STOX2: variants seen among roughly 807,000 people sequenced by gnomAD.
The protein encoded by STOX2 is storkhead-box protein 2.
STOX2 carries 28 observed loss-of-function variants against 60.9 expected under a neutral mutation model. The observed-to-expected ratio is 0.46, with a 90% confidence interval of 0.34 to 0.63. The LOEUF (loss-of-function observed/expected upper bound fraction) is 0.63. Ranked by LOEUF, STOX2 falls within the 30% of genes least tolerant of loss-of-function variation. The pLI, the probability that STOX2 is intolerant of heterozygous loss-of-function variation, is 0.01. For missense variants in STOX2, 1,024 were observed against 1,187.7 expected, an observed-to-expected ratio of 0.86 and a Z score of 2.03; for synonymous variants, 472 against 463.9, an observed-to-expected ratio of 1.02 and a Z score of -0.22.
intron 1 of STOX2, among the ~76,000 whole-genome samples, chr4:183,807,776 A>G (rs1738940072): frequency 6.6e-6 from 1 of 152,172 alleles, no homozygotes; most frequent in Admixed American, 6.5e-5. Flanking sequence ...AGATGGGAGC[A>G]TGGGAGACGG....
At chr4:183,849,675 C>T (rs1160334674) in intron 1 of STOX2, among the ~76,000 whole-genome samples, 1 of 152,098 alleles carries the variant, frequency 6.6e-6, no homozygotes, top group Non-Finnish European at 1.5e-5. Context: ...GAGATCTCTA[C>T]CAAGATCTCT....
At chr4:183,930,607 C>T (rs1281318938) in intron 1 of STOX2, among the ~76,000 whole-genome samples, 1 of 152,134 alleles carries the variant, frequency 6.6e-6, no homozygotes, top group Admixed American at 6.5e-5. Context: ...ATCCTCCTGC[C>T]TCAGCCTCCC....
intron 1 of STOX2, among the ~76,000 whole-genome samples, chr4:183,995,235 T>A (rs1733278012): frequency 1.3e-5 from 2 of 149,390 alleles, no homozygotes; most frequent in Admixed American, 6.7e-5. Flanking sequence ...GGAACCTCAA[T>A]TAATGACTGC....
In STOX2 at chr4:184,022,485, G is replaced by A. The variant is rs1734627580; in HGVS notation, c.*5201G>A. On this transcript the variant is annotated 3_prime_UTR_variant, in exon 4 of 4. Transcript: ENST00000308497. ...ACTAAACTTTCTTACGATTGTACATGATCAGTTATAGGGCTGTAATCATTA... is the reference window on the plus strand; with the variant it reads ...ACTAAACTTTCTTACGATTGTACATAATCAGTTATAGGGCTGTAATCATTA... The A allele has an allele frequency of 6.6e-6, 1 of 152,110 alleles. No homozygotes were observed. Among genetic ancestry groups the A allele is most frequent in the African/African-American group, 2.4e-5 (1 of 41,410 alleles). The allele number at this position is 152,110 out of a possible 1,614,324, so 9.4% of individuals were successfully genotyped here.
At chr4:183,956,431 CT>C (rs56699804) in intron 1 of STOX2, among the ~76,000 whole-genome samples, 5 of 141,266 alleles carry the variant, frequency 3.5e-5, no homozygotes, top group South Asian at 2.3e-4. Flanking sequence ...ATCTATCATT[CT>C]ATCATTCATC....
rs78236347 is a variant in STOX2, at chr4:183,857,413, C to T, written c.364+59358C>T. Among the ~76,000 whole-genome samples, 110 of 13,170 alleles carry T rather than the reference C, an allele frequency of 8.4e-3. 1 individual carries two copies. Among genetic ancestry groups the T allele is most frequent in the African/African-American group, 0.026 (106 of 4,106 alleles). The allele number at this position is 13,170 out of a possible 152,430, so 8.6% of individuals were successfully genotyped here. A position where few individuals can be genotyped will look rare whatever the true frequency, so the allele number is the denominator to read the frequency against. On this transcript the variant is annotated intron_variant, in intron 1 of 2. Coordinates refer to the STOX2 transcript ENST00000513034. ...GGACTGGTTGCCTCATAGGATTGGT[C>T]ATCCCACAGGACTGGTCATCCTGCA...
At chr4:183,873,876 T>C (rs1334053090) in intron 1 of STOX2, among the ~76,000 whole-genome samples, 3 of 152,206 alleles carry the variant, frequency 2.0e-5, no homozygotes, top group African/African-American at 7.2e-5. Flanking sequence ...TCCCCAGGAT[T>C]GTAACTCCAG....
chr4:183,871,631 T>C (rs1039079903), intron 1 of STOX2, among the ~76,000 whole-genome samples: 1 of 152,196 alleles, frequency 6.6e-6, no homozygotes, highest in Non-Finnish European at 1.5e-5. Context: ...ATCTGATATT[T>C]TTTAAGGGAG....
At chr4:184,006,643 T>C (rs1241764186) in intron 2 of STOX2, among the ~76,000 whole-genome samples, 21 of 142,720 alleles carry the variant, frequency 1.5e-4, no homozygotes, top group Non-Finnish European at 3.0e-4. Context: ...AGCTGAGATC[T>C]TGTCACTGCA....
chr4:183,975,157 T>C (rs1228056249), intron 1 of STOX2, among the ~76,000 whole-genome samples: 4 of 152,136 alleles, frequency 2.6e-5, no homozygotes, highest in East Asian at 3.9e-4. Context: ...GAAAATGCAA[T>C]ATATCATAAT....
At chr4:183,873,786 A>G (rs1174178461) in intron 1 of STOX2, among the ~76,000 whole-genome samples, 2 of 152,252 alleles carry the variant, frequency 1.3e-5, no homozygotes, top group African/African-American at 4.8e-5. Context: ...AAAATTGCCC[A>G]GGGAAGCTCC....
intron 1 of STOX2, among the ~76,000 whole-genome samples, chr4:183,908,592 G>GTTTTTTTT (rs10671305): frequency 2.4e-5 from 3 of 126,710 alleles, no homozygotes; most frequent in South Asian, 2.5e-4. Flanking sequence ...CAGGCAGCCA[G>GTTTTTTTT]TTTTTTTTTT....
At position 184,011,724 on chromosome 4, in the gene STOX2, C is replaced by T. The variant is rs1247222803; in HGVS notation, c.2585+301C>T. 3.1e-6 allele frequency: 3 copies of T among 971,146 alleles called. No homozygotes were observed. Among genetic ancestry groups the T allele is most frequent in the East Asian group, 8.5e-5 (2 of 23,558 alleles). 60.2% of individuals were successfully genotyped at this position (971,146 alleles called of 1,614,324 possible). On this transcript the variant is annotated intron_variant, in intron 3 of 3. Transcript: ENST00000308497. This position sits in a 1 kb window ranked among gnomAD's most constrained non-coding sequence, Gnocchi z 4.4. ...ATTTTTTCTGCTACGTTCATATTGC[C>T]ACCCATGCTAAGAGAAGGATGTTTT...
At chr4:183,867,389 G>A (rs887329982) in intron 1 of STOX2, among the ~76,000 whole-genome samples, 7 of 152,212 alleles carry the variant, frequency 4.6e-5, no homozygotes, top group Non-Finnish European at 7.3e-5. Flanking sequence ...TTCTTAAGCC[G>A]AGAGCCCGAG....
At chr4:184,016,944 A>G in intron 3 of STOX2, 145 bp from the exon 4 acceptor site, 1 of 627,904 alleles carries the variant, frequency 1.6e-6, no homozygotes, top group Non-Finnish European at 2.6e-6. Context: ...GCAGATGTGA[A>G]TAATCAGTCG....
chr4:183,869,213 T>C (rs1740636611), intron 1 of STOX2, among the ~76,000 whole-genome samples: 1 of 152,166 alleles, frequency 6.6e-6, no homozygotes, highest in South Asian at 2.1e-4. Flanking sequence ...AACACAATTT[T>C]CCATGACGAG....
At chr4:183,979,711 T>C (rs1053295259) in intron 1 of STOX2, among the ~76,000 whole-genome samples, 1 of 152,140 alleles carries the variant, frequency 6.6e-6, no homozygotes, top group African/African-American at 2.4e-5. Flanking sequence ...CACTATGACA[T>C]AAACTTTTTC....
At chr4:183,900,796 A>G (rs1741443956), upstream of STOX2, among the ~76,000 whole-genome samples, 1 of 152,200 alleles carries the variant, frequency 6.6e-6, no homozygotes, top group African/African-American at 2.4e-5. Context: ...ACTTAGAAAC[A>G]TCTTTAAATA....
chr4:183,817,248 C>T (rs576382270), intron 1 of STOX2, among the ~76,000 whole-genome samples: 1 of 152,334 alleles, frequency 6.6e-6, no homozygotes. Context: ...GCTTTCAAAA[C>T]TGCTTAGTAA....
Sources: allele counts gnomAD v4.1 joint callset (sites outside exome capture counted in the v4.1 genomes callset), GRCh38; gene constraint gnomAD v4.1.1; non-coding constraint Gnocchi (gnomAD v3.1); transcripts MANE v1.5; gene names NCBI Gene and HGNC (gene_info 2026-07-23, HGNC 2026-07-21).